Variants in ADAMTS3 observed in about 807,000 individuals in gnomAD.
ADAMTS3 encodes the protein A disintegrin and metalloproteinase with thrombospondin motifs 3.
Under a neutral mutation model 129.0 loss-of-function variants are expected in ADAMTS3, and 73 were observed. That is an observed-to-expected ratio of 0.57 (90% CI 0.47 to 0.69). The LOEUF (loss-of-function observed/expected upper bound fraction) is 0.69, where lower values mean the gene tolerates loss of function less well. Ranked by LOEUF, ADAMTS3 falls within the 30% of genes least tolerant of loss-of-function variation. The probability of loss-of-function intolerance (pLI) is 0.00; values close to 1 mark genes in which losing one functional copy is unlikely to be tolerated. For synonymous variants in ADAMTS3, 477 were observed against 510.8 expected (o/e 0.93, Z 0.89); for missense variants, 1,457 against 1,514.5 (o/e 0.96, Z 0.63).
intron 3 of ADAMTS3, among the ~76,000 whole-genome samples, chr4:72,523,064 C>G (rs1447074795): frequency 6.6e-6 from 1 of 151,834 alleles, no homozygotes; most frequent in Non-Finnish European, 1.5e-5. Flanking sequence ...TAAATTTTAA[C>G]TTTATAAGAG....
intron 4 of ADAMTS3, among the ~76,000 whole-genome samples, chr4:72,346,630 GTTAAA>G (rs1178197915): frequency 2.6e-5 from 4 of 152,014 alleles, no homozygotes; most frequent in Non-Finnish European, 5.9e-5. Flanking sequence ...AGTATTTTTT[GTTAAA>G]TTAAAATATA....
At chr4:72,375,177 A>G (rs1224961351) in intron 4 of ADAMTS3, among the ~76,000 whole-genome samples, 2 of 152,138 alleles carry the variant, frequency 1.3e-5, no homozygotes, top group Non-Finnish European at 2.9e-5. Context: ...TCCTTCCCCA[A>G]AACTATGACT....
At chr4:72,323,359 G>C (rs1719614905) in intron 5 of ADAMTS3, among the ~76,000 whole-genome samples, 1 of 152,202 alleles carries the variant, frequency 6.6e-6, no homozygotes, top group Non-Finnish European at 1.5e-5. Context: ...CTAGTGCAGT[G>C]TTAGAAGGAG....
intron 3 of ADAMTS3, among the ~76,000 whole-genome samples, chr4:72,477,425 C>T (rs908420986): frequency 9.9e-5 from 15 of 152,140 alleles, no homozygotes; most frequent in African/African-American, 3.6e-4. Context: ...ACTGAACAAC[C>T]TGCTCCTGAA....
At chr4:72,528,663 A>G (rs1027259697) in intron 3 of ADAMTS3, among the ~76,000 whole-genome samples, 55 of 152,092 alleles carry the variant, frequency 3.6e-4, no homozygotes, top group Admixed American at 2.0e-4. Context: ...ATTTATTTAT[A>G]TAAAATCTTA....
At chr4:72,469,101 G>A (rs896299719) in intron 3 of ADAMTS3, among the ~76,000 whole-genome samples, 2 of 152,036 alleles carry the variant, frequency 1.3e-5, no homozygotes, top group African/African-American at 4.8e-5. Flanking sequence ...GCACTCTTGT[G>A]CCCTCTAGTG....
intron 4 of ADAMTS3, among the ~76,000 whole-genome samples, chr4:72,405,417 A>T (rs1380804838): frequency 6.6e-6 from 1 of 152,014 alleles, no homozygotes; most frequent in Non-Finnish European, 1.5e-5. Flanking sequence ...ATATAAAGAG[A>T]CTCAATATTC....
chr4:72,297,918 G>A (rs948150128), intron 18 of ADAMTS3, among the ~76,000 whole-genome samples: 6 of 152,138 alleles, frequency 3.9e-5, no homozygotes, highest in African/African-American at 1.4e-4. Context: ...TAGAAATGCA[G>A]AGAGATACAG....
intron 3 of ADAMTS3, among the ~76,000 whole-genome samples, chr4:72,455,852 T>TAAAA (rs1718543788): frequency 8.2e-6 from 1 of 122,140 alleles, no homozygotes; most frequent in Non-Finnish European, 1.6e-5. Context: ...ACTATATATT[T>TAAAA]TATATATAGT....
chr4:72,399,266 C>CA (rs1204946033), intron 4 of ADAMTS3, among the ~76,000 whole-genome samples: 1 of 151,794 alleles, frequency 6.6e-6, no homozygotes, highest in Admixed American at 6.6e-5. Flanking sequence ...CTCATCTCTA[C>CA]AAAAAAAGTA....
chr4:72,497,956 C>T (rs1351292165), intron 3 of ADAMTS3, among the ~76,000 whole-genome samples: 1 of 151,986 alleles, frequency 6.6e-6, no homozygotes, highest in African/African-American at 2.4e-5. Context: ...ATGCTTGAGG[C>T]TTTCAAAGGC....
At chr4:72,530,333 A>T (rs866848098) in intron 3 of ADAMTS3, among the ~76,000 whole-genome samples, 27 of 84,612 alleles carry the variant, frequency 3.2e-4, no homozygotes, top group African/African-American at 9.7e-4. Context: ...ATATGTTAAT[A>T]TAATATATAA....
chr4:72,426,669 T>A (rs1478259775), intron 3 of ADAMTS3, among the ~76,000 whole-genome samples: 1 of 152,126 alleles, frequency 6.6e-6, no homozygotes, highest in Non-Finnish European at 1.5e-5. Flanking sequence ...GGTGGATCAC[T>A]TAAGCCAGGA....
chr4:72,345,980 A>C (rs1410519296), intron 4 of ADAMTS3, among the ~76,000 whole-genome samples: 5 of 152,148 alleles, frequency 3.3e-5, no homozygotes, highest in Admixed American at 3.3e-4. Flanking sequence ...TTCACGTAAC[A>C]AGAGTTCCAG....
intron 4 of ADAMTS3, among the ~76,000 whole-genome samples, chr4:72,355,397 T>C (rs1720558114): frequency 6.6e-6 from 1 of 151,994 alleles, no homozygotes; most frequent in Non-Finnish European, 1.5e-5. Flanking sequence ...GTATTACATT[T>C]TTCCTCTTGT....
chr4:72,456,599 T>G (rs1453108639), intron 3 of ADAMTS3, among the ~76,000 whole-genome samples: 1 of 151,076 alleles, frequency 6.6e-6, no homozygotes, highest in Non-Finnish European at 1.5e-5. Context: ...TTTTAAATTA[T>G]TTCTAAAAGT....
chr4:72,293,941 G>A (rs1718741727), intron 19 of ADAMTS3, among the ~76,000 whole-genome samples: 1 of 152,028 alleles, frequency 6.6e-6, no homozygotes, highest in Non-Finnish European at 1.5e-5. Flanking sequence ...TTAATGATAT[G>A]ATAGCAAAAA....
intron 4 of ADAMTS3, among the ~76,000 whole-genome samples, chr4:72,411,238 T>C (rs1722177308): frequency 1.3e-5 from 2 of 152,134 alleles, no homozygotes; most frequent in Admixed American, 6.6e-5. Context: ...TGACACATTA[T>C]CTTAACAGTT....
chr4:72,533,589 A>G (rs971444492), intron 3 of ADAMTS3, among the ~76,000 whole-genome samples: 6 of 152,162 alleles, frequency 3.9e-5, no homozygotes, highest in African/African-American at 7.2e-5. Flanking sequence ...CAGTACATTT[A>G]TATGTATACA....
Sources: gnomAD v4.1 joint callset for allele counts (sites outside exome capture counted in the v4.1 genomes callset) on GRCh38, gnomAD v4.1.1 for gene constraint, MANE v1.5 for transcripts, NCBI Gene and HGNC (gene_info 2026-07-23, HGNC 2026-07-21) for gene names.